The following LDB2 variants were observed in gnomAD, a reference collection of about 807,000 sequenced individuals.
LDB2 encodes LIM domain-binding protein 2.
LDB2 carries 12 observed loss-of-function variants against 44.3 expected under a neutral mutation model. The observed-to-expected ratio is 0.27, with a 90% CI of 0.17 to 0.44. The LOEUF (loss-of-function observed/expected upper bound fraction) is 0.44. Among genes scored for constraint, LDB2 ranks in the 20% least tolerant of loss-of-function variants. The pLI, the probability that LDB2 is intolerant of heterozygous loss-of-function variation, is 1.00. For missense variants in LDB2, 344 were observed against 473.5 expected, an observed-to-expected ratio of 0.73 and a Z score of 2.54; for synonymous variants, 164 against 174.8, an observed-to-expected ratio of 0.94 and a Z score of 0.49.
intron 5 of LDB2, among the ~76,000 whole-genome samples, chr4:16,565,827 G>GTT (rs1387221466): frequency 6.6e-6 from 1 of 151,926 alleles, no homozygotes; most frequent in East Asian, 1.9e-4. Flanking sequence ...AATAACTTTC[G>GTT]TAAGTACAAA....
intron 2 of LDB2, among the ~76,000 whole-genome samples, chr4:16,724,432 A>G (rs1330275839): frequency 1.3e-5 from 2 of 151,292 alleles, no homozygotes; most frequent in Non-Finnish European, 2.9e-5. Flanking sequence ...TGCACTTATC[A>G]AAGTCATGAA....
intron 6 of LDB2, 116 bp downstream of exon 6, chr4:16,511,865 A>G: frequency 1.7e-6 from 2 of 1,180,858 alleles, no homozygotes; most frequent in South Asian, 1.6e-5. Context: ...GAATATCCCT[A>G]ATAAGCTACT....
chr4:16,808,875 G>A (rs1288608478), intron 1 of LDB2, among the ~76,000 whole-genome samples: 2 of 152,232 alleles, frequency 1.3e-5, no homozygotes, highest in East Asian at 3.9e-4. Context: ...GCTCTCCACC[G>A]AAAATCTGTG....
chr4:16,566,128 T>G (rs948126474), intron 5 of LDB2, among the ~76,000 whole-genome samples: 2 of 152,012 alleles, frequency 1.3e-5, no homozygotes, highest in African/African-American at 4.8e-5. Flanking sequence ...ATTTGTAAAT[T>G]TAACCAGATT....
intron 2 of LDB2, among the ~76,000 whole-genome samples, chr4:16,680,551 TC>T (rs1747567820): frequency 6.6e-6 from 1 of 152,118 alleles, no homozygotes; most frequent in Non-Finnish European, 1.5e-5. Context: ...CTTACAAAGA[TC>T]CCCTGGAAAA....
intron 2 of LDB2, among the ~76,000 whole-genome samples, chr4:16,710,775 C>CT (rs1755691184): frequency 6.6e-6 from 1 of 152,132 alleles, no homozygotes. Context: ...AAGGGTCATC[C>CT]TTTTTTAACT....
chr4:16,735,291 C>T (rs1561039093), intron 2 of LDB2, among the ~76,000 whole-genome samples: 3 of 152,092 alleles, frequency 2.0e-5, no homozygotes, highest in African/African-American at 7.2e-5. Flanking sequence ...AAGAGAGGCT[C>T]AAACCACCTG....
intron 1 of LDB2, among the ~76,000 whole-genome samples, chr4:16,792,564 T>C (rs1008278983): frequency 1.1e-4 from 17 of 152,172 alleles, no homozygotes; most frequent in African/African-American, 3.6e-4. Context: ...CACAACCAAT[T>C]ATCTAACTGC....
chr4:16,744,237 A>G (rs1579268468), intron 2 of LDB2, among the ~76,000 whole-genome samples: 1 of 151,986 alleles, frequency 6.6e-6, no homozygotes, highest in Non-Finnish European at 1.5e-5. Context: ...GCTCACTGCA[A>G]CCTCTGCCTC....
At chr4:16,868,500 G>C (rs1160431800) in intron 1 of LDB2, among the ~76,000 whole-genome samples, 1 of 152,160 alleles carries the variant, frequency 6.6e-6, no homozygotes, top group Non-Finnish European at 1.5e-5. Context: ...TGCCACCCCA[G>C]ACAGTCACTC....
rs1021019502 is a variant in LDB2 at position 16,668,294 on chromosome 4, C to T, written c.236-72419G>A. 9.2e-5 allele frequency among the ~76,000 whole-genome samples: 14 copies of T among 152,252 alleles called. No homozygotes were observed. In the South Asian group the frequency reaches 2.3e-3, roughly 25 times the overall value. ...AGACCCTGGATGGACACAATCACTGCTCTGAAATTGCCTGTTCCCCTCCTG... is the reference window on the plus strand; with the variant it reads ...AGACCCTGGATGGACACAATCACTGTTCTGAAATTGCCTGTTCCCCTCCTG... On this transcript the variant is annotated intron_variant, in intron 2 of 7. Coordinates refer to ENST00000304523, the MANE Select transcript of LDB2 (RefSeq NM_001290.5).
At chr4:16,532,949 A>G (rs1215628858) in intron 5 of LDB2, among the ~76,000 whole-genome samples, 1 of 152,222 alleles carries the variant, frequency 6.6e-6, no homozygotes, top group Non-Finnish European at 1.5e-5. Context: ...GAGCCAGTCA[A>G]CAGACTCCAA....
chr4:16,611,502 T>C (rs951210900), intron 2 of LDB2, among the ~76,000 whole-genome samples: 14 of 139,012 alleles, frequency 1.0e-4, no homozygotes, highest in African/African-American at 3.8e-4. Context: ...AGGCTCAAAA[T>C]GAAGGGAGGG....
intron 2 of LDB2, among the ~76,000 whole-genome samples, chr4:16,715,387 T>G (rs1756867292): frequency 1.3e-5 from 2 of 152,240 alleles, no homozygotes; most frequent in African/African-American, 4.8e-5. Flanking sequence ...AATAAATGCT[T>G]GAAATGTCTC....
chr4:16,675,225 G>C (rs534186066), intron 2 of LDB2, among the ~76,000 whole-genome samples: 3 of 152,274 alleles, frequency 2.0e-5, no homozygotes, highest in African/African-American at 7.2e-5. Flanking sequence ...CCAAGGAATT[G>C]CCATTGGCAT....
intron 1 of LDB2, among the ~76,000 whole-genome samples, chr4:16,766,466 ATATGTGTGTGTGTGTGTG>A (rs1361105950): frequency 4.9e-5 from 3 of 61,220 alleles, no homozygotes; most frequent in East Asian, 4.8e-4. Context: ...ACACACACAT[ATATGTGTGTGTGTGTGTG>A]TGTGTGTGTG....
chr4:16,535,094 G>A lies in LDB2; in HGVS notation c.616-22990C>T, dbSNP rs894558611. Among the ~76,000 whole-genome samples the A allele has an allele frequency of 5.3e-5, 8 of 152,194 alleles. No individual in the cohort carries two copies. The East Asian group carries it at 9.6e-4, about 18-fold the overall frequency. ...CCTAGCAGGCTTTTCCATGCATCTG[G>A]AGCAAGGGGCTTCGGGTCAGCTGCT... On this transcript the variant is annotated intron_variant, in intron 5 of 7. Transcript: ENST00000304523.
At chr4:16,516,092 C>T (rs997752084) in intron 5 of LDB2, among the ~76,000 whole-genome samples, 11 of 151,790 alleles carry the variant, frequency 7.2e-5, no homozygotes, top group Admixed American at 2.6e-4. Context: ...GTCTCAATCT[C>T]CTGACCTCAT....
intron 5 of LDB2, among the ~76,000 whole-genome samples, chr4:16,564,161 C>G (rs746728757): frequency 2.0e-4 from 31 of 151,974 alleles, no homozygotes; most frequent in Admixed American, 5.2e-4. Flanking sequence ...TTTTGACAAC[C>G]CTCAGTGTCT....
Sources: allele counts gnomAD v4.1 joint callset (sites outside exome capture counted in the v4.1 genomes callset), GRCh38; gene constraint gnomAD v4.1.1; transcripts MANE v1.5; gene names NCBI Gene and HGNC (gene_info 2026-07-23, HGNC 2026-07-21).